Variants in SLC35F4 observed in about 807,000 individuals in gnomAD.
SLC35F4 encodes the protein chromosome 14 open reading frame 36.
In SLC35F4, 24 loss-of-function variants were observed where a neutral mutation model predicts 44.2. The ratio of observed to expected loss-of-function variants is 0.54; its 90% CI spans 0.39 to 0.76. The LOEUF (loss-of-function observed/expected upper bound fraction) is 0.76, where lower values mean the gene tolerates loss of function less well. Among genes scored for constraint, SLC35F4 ranks in the 30% least tolerant of loss-of-function variants. SLC35F4 has a pLI of 0.00. For synonymous variants in SLC35F4, 238 were observed against 223.6 expected (o/e 1.06, Z -0.57); for missense variants, 562 against 586.1 (o/e 0.96, Z 0.42).
intron 1 of SLC35F4, among the ~76,000 whole-genome samples, chr14:57,803,006 A>AAAAAAAAAAAAAAAAAAAAAG (rs74994950): frequency 2.9e-5 from 4 of 136,252 alleles, no homozygotes; most frequent in East Asian, 2.1e-4. Context: ...AAAAAAAAAA[A>AAAAAAAAAAAAAAAAAAAAAG]GAAATTGCAG....
At chr14:57,824,731 A>G (rs1047587147) in intron 1 of SLC35F4, among the ~76,000 whole-genome samples, 1 of 152,168 alleles carries the variant, frequency 6.6e-6, no homozygotes, top group Admixed American at 6.6e-5. Flanking sequence ...TTGGTTTTAG[A>G]AAGAGTACAA....
chr14:57,720,276 G>C (rs1265726423), intron 1 of SLC35F4, among the ~76,000 whole-genome samples: 1 of 152,024 alleles, frequency 6.6e-6, no homozygotes, highest in African/African-American at 2.4e-5. Flanking sequence ...TCATAATATA[G>C]GTTGGCCTGC....
intron 5 of SLC35F4, 56 bp from the exon 6 acceptor site, chr14:57,570,036 T>G: frequency 6.7e-7 from 1 of 1,482,484 alleles, no homozygotes; most frequent in Non-Finnish European, 9.0e-7. Flanking sequence ...AGCAGAAACG[T>G]AAGTCTTACT....
intron 1 of SLC35F4, among the ~76,000 whole-genome samples, chr14:57,949,448 C>CA (rs1890095431): frequency 6.6e-6 from 1 of 152,128 alleles, no homozygotes; most frequent in Non-Finnish European, 1.5e-5. Flanking sequence ...CTGTTGAAGA[C>CA]AGCAGATACT....
At chr14:57,584,971 A>T (rs901934868) in intron 3 of SLC35F4, among the ~76,000 whole-genome samples, 1 of 152,214 alleles carries the variant, frequency 6.6e-6, no homozygotes, top group Admixed American at 6.5e-5. Context: ...CTGTTTAAAA[A>T]TTTTACAATG....
intron 1 of SLC35F4, chr14:57,597,032 T>TAG: frequency 2.3e-6 from 1 of 444,212 alleles, no homozygotes; most frequent in Non-Finnish European, 3.9e-6. Flanking sequence ...CCATCCTCTA[T>TAG]GGTCTTGTAC....
chr14:57,668,934 T>G (rs1704869493), intron 1 of SLC35F4, among the ~76,000 whole-genome samples: 1 of 152,134 alleles, frequency 6.6e-6, no homozygotes, highest in African/African-American at 2.4e-5. Context: ...ATGGCCATTT[T>G]CACAATATTG....
chr14:57,605,822 C>A (rs1369682397), intron 1 of SLC35F4, among the ~76,000 whole-genome samples: 1 of 151,886 alleles, frequency 6.6e-6, no homozygotes, highest in East Asian at 1.9e-4. Context: ...AACACAGATA[C>A]AACTGAAAAC....
At chr14:57,970,840 G>T (rs1443543228) in intron 1 of SLC35F4, among the ~76,000 whole-genome samples, 2 of 152,140 alleles carry the variant, frequency 1.3e-5, no homozygotes, top group Non-Finnish European at 2.9e-5. Flanking sequence ...CACTGCCAAG[G>T]TCAACCTCTG....
intron 1 of SLC35F4, among the ~76,000 whole-genome samples, chr14:57,786,917 C>A (rs1033277290): frequency 1.3e-5 from 2 of 152,090 alleles, no homozygotes; most frequent in Admixed American, 1.3e-4. Flanking sequence ...AAGAAGAGAT[C>A]CCAGATTTGC....
intron 1 of SLC35F4, among the ~76,000 whole-genome samples, chr14:57,932,586 C>T (rs1889718223): frequency 6.6e-6 from 1 of 152,166 alleles, no homozygotes; most frequent in Non-Finnish European, 1.5e-5. Context: ...TGGTGTCTCA[C>T]ACCTGTAATC....
intron 1 of SLC35F4, among the ~76,000 whole-genome samples, chr14:57,598,837 A>AG (rs2139962214): frequency 6.6e-6 from 1 of 152,314 alleles, no homozygotes; most frequent in African/African-American, 2.4e-5. Context: ...ACCTAAAGGT[A>AG]GAAATCATGA....
At chr14:57,714,952 A>G (rs570413344) in intron 1 of SLC35F4, among the ~76,000 whole-genome samples, 1 of 152,346 alleles carries the variant, frequency 6.6e-6, no homozygotes, top group East Asian at 1.9e-4. Context: ...TACAAATCTC[A>G]GTTCGTTCAA....
At chr14:57,643,750 A>C (rs1214017703) in intron 1 of SLC35F4, among the ~76,000 whole-genome samples, 3 of 152,102 alleles carry the variant, frequency 2.0e-5, no homozygotes, top group African/African-American at 7.2e-5. Flanking sequence ...TATATCTCCT[A>C]ATACTATCCC....
At chr14:57,692,519 G>A (rs185224483) in intron 1 of SLC35F4, among the ~76,000 whole-genome samples, 45 of 152,200 alleles carry the variant, frequency 3.0e-4, no homozygotes, top group Middle Eastern at 6.8e-3. Context: ...ATCTGACGAA[G>A]TTCCCTGCTC....
chr14:57,773,592 G>T (rs914247035), intron 1 of SLC35F4, among the ~76,000 whole-genome samples: 1 of 151,576 alleles, frequency 6.6e-6, no homozygotes, highest in Admixed American at 6.6e-5. Context: ...GTAGATCCTG[G>T]TCACTCAACT....
intron 1 of SLC35F4, among the ~76,000 whole-genome samples, chr14:57,877,785 A>G (rs1222793394): frequency 1.4e-5 from 2 of 144,936 alleles, no homozygotes; most frequent in African/African-American, 5.2e-5. Flanking sequence ...CCTGGGTTCA[A>G]GCTATTCTTC....
chr14:57,872,947 C>A (rs1475988925), intron 1 of SLC35F4, among the ~76,000 whole-genome samples: 1 of 152,184 alleles, frequency 6.6e-6, no homozygotes, highest in Non-Finnish European at 1.5e-5. Context: ...CTGGCACATA[C>A]CCCTGCTCCA....
At chr14:57,683,048 G>GA (rs1257503877) in intron 1 of SLC35F4, among the ~76,000 whole-genome samples, 2 of 150,124 alleles carry the variant, frequency 1.3e-5, no homozygotes, top group African/African-American at 2.5e-5. Flanking sequence ...CTGTTCTACG[G>GA]AAAAAAATTA....
Sources: gnomAD v4.1 joint callset for allele counts (sites outside exome capture counted in the v4.1 genomes callset) on GRCh38, gnomAD v4.1.1 for gene constraint, MANE v1.5 for transcripts, NCBI Gene and HGNC (gene_info 2026-07-23, HGNC 2026-07-21) for gene names.